Variants in PLA2G4E observed in about 807,000 individuals in gnomAD.
PLA2G4E encodes phospholipase A2 group IVE.
PLA2G4E carries 84 observed loss-of-function variants against 109.1 expected under a neutral mutation model. That is an observed-to-expected ratio of 0.77 (90% CI 0.65 to 0.92). The LOEUF (loss-of-function observed/expected upper bound fraction) is 0.92. PLA2G4E is among the 40% of genes least tolerant of loss of function. The pLI is 0.00. For synonymous variants in PLA2G4E, 469 were observed against 436.1 expected, an observed-to-expected ratio of 1.08 and a Z score of -0.94; for missense variants, 1,057 against 1,076.6, an observed-to-expected ratio of 0.98 and a Z score of 0.25.
intron 5 of PLA2G4E, among the ~76,000 whole-genome samples, chr15:42,004,654 G>T (rs561808433): frequency 1.3e-5 from 2 of 152,298 alleles, no homozygotes; most frequent in South Asian, 2.1e-4. Context: ...AGCCACCCTT[G>T]GGAATGTAGG....
intron 1 of PLA2G4E, among the ~76,000 whole-genome samples, chr15:42,027,328 G>A (rs535118692): frequency 6.6e-6 from 1 of 152,254 alleles, no homozygotes; most frequent in African/African-American, 2.4e-5. Flanking sequence ...AGTTTTGTGG[G>A]TATAGGGAAA....
intron 1 of PLA2G4E, among the ~76,000 whole-genome samples, chr15:42,043,259 C>A (rs1889348420): frequency 6.6e-6 from 1 of 152,094 alleles, no homozygotes; most frequent in Admixed American, 6.6e-5. Flanking sequence ...GCCAGGCCCA[C>A]CTTTGTTGCC....
intron 1 of PLA2G4E, among the ~76,000 whole-genome samples, chr15:42,027,863 T>TCCATAATGTATGGGG (rs2068705769): frequency 7.9e-5 from 12 of 151,714 alleles, no homozygotes; most frequent in African/African-American, 2.7e-4. Context: ...GTGGCAGCCC[T>TCCATAATGTATGGGG]CCTGGGCCAC....
At chr15:42,030,050 C>T (rs903558762) in intron 1 of PLA2G4E, among the ~76,000 whole-genome samples, 7 of 152,042 alleles carry the variant, frequency 4.6e-5, no homozygotes, top group African/African-American at 1.5e-4. Flanking sequence ...TGAACTTGCC[C>T]TTGAAGAAGG....
chr15:41,998,571 ACAAT>A (rs1466856733), intron 10 of PLA2G4E: 3 of 152,358 alleles, frequency 2.0e-5, no homozygotes, highest in African/African-American at 7.2e-5. Flanking sequence ...TTGATTTCTG[ACAAT>A]CAAGATTTCT....
chr15:41,998,677 GATTGATTACCTAAAA>G (rs558791338), intron 10 of PLA2G4E: 8 of 152,238 alleles, frequency 5.3e-5, no homozygotes, highest in Non-Finnish European at 7.3e-5. Flanking sequence ...ACACCATGTA[GATTGATTACCTAAAA>G]ATTGATCATA....
At chr15:42,042,569 C>G (rs1889333828) in intron 1 of PLA2G4E, among the ~76,000 whole-genome samples, 1 of 152,162 alleles carries the variant, frequency 6.6e-6, no homozygotes, top group Non-Finnish European at 1.5e-5. Flanking sequence ...TCCCAGGCCA[C>G]CATACCAGAT....
At position 42,013,721 on chromosome 15, in the gene PLA2G4E, C is replaced by A; in HGVS notation, c.220G>T (p.Val74Phe). ...TGCCGGACATTTTTCATCCGGATGA[C>A]CCTCACTGTCAACAGGTGGCATGGA... The change falls in exon 2 of 20, where the codon GTC becomes TTC. Residue 74 changes from valine to phenylalanine, a missense_variant. By Grantham distance (50) the Val-to-Phe change is conservative (BLOSUM62 -1). Transcript: ENST00000399518. The A allele has an allele frequency of 6.4e-7, 1 of 1,550,614 alleles. No individual in the cohort carries two copies. Among genetic ancestry groups the A allele is most frequent in the Non-Finnish European group, 8.7e-7 (1 of 1,146,984 alleles).
intron 1 of PLA2G4E, among the ~76,000 whole-genome samples, chr15:42,040,641 A>G (rs1566851985): frequency 6.6e-6 from 1 of 152,270 alleles, no homozygotes; most frequent in African/African-American, 2.4e-5. Flanking sequence ...AATTTTCCCA[A>G]TAAACTAAAA....
At chr15:41,995,682 TC>T (rs2068328427) in intron 11 of PLA2G4E, among the ~76,000 whole-genome samples, 186 bp from the exon 12 acceptor site, 2 of 139,626 alleles carry the variant, frequency 1.4e-5, no homozygotes, top group Non-Finnish European at 3.2e-5. Context: ...GAAATAGACC[TC>T]AGCTCCACAC....
intron 1 of PLA2G4E, among the ~76,000 whole-genome samples, chr15:42,049,720 C>T (rs888851775): frequency 1.1e-4 from 17 of 152,142 alleles, no homozygotes; most frequent in Admixed American, 3.3e-4. Flanking sequence ...AGCCAGGCCT[C>T]GGCTGGCAGG....
chr15:42,010,392 A>G (rs1668568), intron 2 of PLA2G4E: 140,086 of 232,086 alleles, frequency 0.6, 43,695 homozygotes, highest in Non-Finnish European at 0.67. Context: ...AGATAAAGAA[A>G]TATTCCTGGC....
chr15:42,021,745 C>T (rs747780076), intron 1 of PLA2G4E, among the ~76,000 whole-genome samples: 2 of 152,230 alleles, frequency 1.3e-5, no homozygotes, highest in Non-Finnish European at 2.9e-5. Context: ...ACTGAGGGGC[C>T]TGACAAGGGC....
At chr15:42,021,594 G>C (rs1374743757) in intron 1 of PLA2G4E, among the ~76,000 whole-genome samples, 1 of 152,126 alleles carries the variant, frequency 6.6e-6, no homozygotes, top group Non-Finnish European at 1.5e-5. Flanking sequence ...CGTGAGAAAG[G>C]GTCTGGGGCA....
At chr15:42,034,144 A>G (rs985413019) in intron 1 of PLA2G4E, among the ~76,000 whole-genome samples, 2 of 152,194 alleles carry the variant, frequency 1.3e-5, no homozygotes, top group Non-Finnish European at 2.9e-5. Flanking sequence ...GTCCAAGACT[A>G]AAGGGTTTCC....
At chr15:41,987,952 A>C in intron 16 of PLA2G4E, 97 bp downstream of exon 16, 5 of 564,266 alleles carry the variant, frequency 8.9e-6, no homozygotes, top group East Asian at 3.1e-5. Context: ...TCACCCAGCC[A>C]TGAGGGAAAG....
chr15:42,042,099 G>T (rs1382792416), intron 1 of PLA2G4E, among the ~76,000 whole-genome samples: 1 of 152,082 alleles, frequency 6.6e-6, no homozygotes, highest in Admixed American at 6.5e-5. Context: ...CACTCCAAAT[G>T]GTCATAGCAT....
chr15:42,041,651 G>T (rs545803239), intron 1 of PLA2G4E, among the ~76,000 whole-genome samples: 59 of 152,308 alleles, frequency 3.9e-4, no homozygotes, highest in Non-Finnish European at 6.6e-4. Context: ...TAAAGAAGAG[G>T]GAAGTTTAGA....
At chr15:42,028,767 A>G (rs1346917502) in intron 1 of PLA2G4E, among the ~76,000 whole-genome samples, 1 of 152,292 alleles carries the variant, frequency 6.6e-6, no homozygotes, top group Non-Finnish European at 1.5e-5. Flanking sequence ...ATAAAATCCA[A>G]TTTCCTAAAA....
Sources: gnomAD v4.1 joint callset for allele counts (sites outside exome capture counted in the v4.1 genomes callset) on GRCh38, gnomAD v4.1.1 for gene constraint, MANE v1.5 for transcripts, NCBI Gene and HGNC (gene_info 2026-07-23, HGNC 2026-07-21) for gene names.